The following EFNA3 variants were observed in gnomAD, a reference collection of about 807,000 sequenced individuals.
The protein encoded by EFNA3 is ephrin-A3.
A neutral mutation model predicts 25.0 loss-of-function variants in EFNA3; 15 were observed. That is an observed-to-expected ratio of 0.60 (90% CI 0.40 to 0.92). The LOEUF (loss-of-function observed/expected upper bound fraction) is 0.92, where lower values mean the gene tolerates loss of function less well. EFNA3 is among the 40% of genes least tolerant of loss of function. The pLI is 0.00. For synonymous variants in EFNA3, 153 were observed against 145.6 expected (o/e 1.05, Z -0.37); for missense variants, 298 against 323.8 (o/e 0.92, Z 0.61).
intron 1 of EFNA3, 112 bp from the exon 2 acceptor site, chr1:155,084,979 A>G: frequency 1.6e-6 from 2 of 1,250,906 alleles, no homozygotes; most frequent in East Asian, 4.7e-5. Context: ...GGAAGCTCGG[A>G]GGAAAAGTCG....
rs1287254539 is a variant in EFNA3, at chr1:155,085,127, G to T, written c.165G>T (p.Val55=). The change falls in exon 2 of 5, where the codon GTG becomes GTT. Residue 55 remains valine, a synonymous_variant. Transcript: ENST00000368408. The surrounding 1 kb of genome is among the most constrained non-coding windows in gnomAD (Gnocchi z 4.4). ...AGGGCTACACCGTGCAGGTGAACGT[G>T]AACGACTATCTGGATATTTACTGCC... is the stretch of plus-strand genomic sequence containing the variant. ...RREGYTVQVN[V]NDYLDIYCPH... is the part of the protein sequence containing the mutation. 3 of 1,613,760 alleles carry T rather than the reference G, an allele frequency of 1.9e-6. No homozygotes were observed. The highest frequency in any genetic ancestry group is 2.5e-6 in the Non-Finnish European group (3 of 1,180,014).
intron 1 of EFNA3, among the ~76,000 whole-genome samples, chr1:155,083,888 G>C (rs950145552): frequency 6.6e-6 from 1 of 152,176 alleles, no homozygotes; most frequent in African/African-American, 2.4e-5. Context: ...GCCAAGATAT[G>C]TGCATTCTTA....
chr1:155,085,040 C>G lies in EFNA3; in HGVS notation c.129-51C>G. ...GGCTGCGGAGCGGTCAGATGGAAAG[C>G]GGCTTTGCTCTGGGGTTTCTTCTCT... On this transcript the variant is annotated intron_variant, in intron 1 of 4. Transcript: ENST00000368408. This position sits in a 1 kb window ranked among gnomAD's most constrained non-coding sequence, Gnocchi z 4.4. The G allele has an allele frequency of 6.3e-7, 1 of 1,585,282 alleles. No individual in the cohort carries two copies. Among genetic ancestry groups the G allele is most frequent in the Non-Finnish European group, 8.6e-7 (1 of 1,164,352 alleles).
In EFNA3 at chr1:155,079,043, GGT is replaced by G; in HGVS notation, c.105_106del (p.Tyr36LeufsTer163). On this transcript the variant is annotated frameshift_variant, in exon 1 of 5. Transcript: ENST00000368408. LOFTEE classifies it high-confidence loss of function. This position sits in a 1 kb window ranked among gnomAD's most constrained non-coding sequence, Gnocchi z 7.7. ...PGGALGNRHA[V>X]YWNSSNQHLR... The stretch of plus-strand genomic sequence containing the variant: ...GAGGGGCGCTGGGAAACCGGCATGC[GGT>G]GTACTGGAACAGCTCCAACCAGCAG... 1 of 1,404,694 alleles carries G rather than the reference GGT, an allele frequency of 7.1e-7. No individual in the cohort carries two copies. Among genetic ancestry groups the G allele is most frequent in the South Asian group, 1.6e-5 (1 of 63,160 alleles). 87.0% of individuals were successfully genotyped at this position (1,404,694 alleles called of 1,614,324 possible).
chr1:155,078,873 G>C lies in EFNA3; in HGVS notation c.-69G>C. On this transcript the variant is annotated 5_prime_UTR_variant, in exon 1 of 5. Coordinates refer to ENST00000368408, the MANE Select transcript of EFNA3 (RefSeq NM_004952.5). ...GGGGGCCGACGGCGGCGGCAGCAGG[G>C]AGCTGGGAAGCGGAGAAGCCGGGAG... 1 of 1,326,056 alleles carries C rather than the reference G, an allele frequency of 7.5e-7. No homozygotes were observed. Among genetic ancestry groups the C allele is most frequent in the East Asian group, 3.2e-5 (1 of 30,988 alleles). 82.1% of individuals were successfully genotyped at this position (1,326,056 alleles called of 1,614,324 possible). A position where few individuals can be genotyped will look rare whatever the true frequency, so the allele number is the denominator to read the frequency against.
rs775934093 is a variant in EFNA3 at position 155,078,949 on chromosome 1, C to T, written c.8C>T (p.Ala3Val). The T allele has an allele frequency of 7.1e-7, 1 of 1,409,256 alleles. No individual in the cohort carries two copies. Among genetic ancestry groups the T allele is most frequent in the South Asian group, 1.6e-5 (1 of 63,416 alleles). The allele number at this position is 1,409,256 out of a possible 1,614,324, so 87.3% of individuals were successfully genotyped here. A position where few individuals can be genotyped will look rare whatever the true frequency, so the allele number is the denominator to read the frequency against. MA[A>V]APLLLLLLLV... The stretch of plus-strand genomic sequence containing the variant: ...GCGGCGGCGGCTCCGGGGATGGCGG[C>T]GGCTCCGCTGCTGCTGCTGCTGCTG... Residue 3 changes from alanine (A) to valine (V), a missense_variant, in exon 1 of 5, where the codon GCG becomes GTG. Transcript: ENST00000368408.
Position 155,078,865 on chromosome 1 carries a change from GCAGCAGGGAGC to G in EFNA3, c.-76_-66del. On this transcript the variant is annotated 5_prime_UTR_variant, in exon 1 of 5. Transcript: ENST00000368408. ...CTAAGGCTGGGGGCCGACGGCGGCG[GCAGCAGGGAGC>G]TGGGAAGCGGAGAAGCCGGGAGCGC... 7.7e-7 allele frequency: 1 copy of G among 1,305,374 alleles called. No homozygotes were observed. Among genetic ancestry groups the G allele is most frequent in the Non-Finnish European group, 9.7e-7 (1 of 1,027,970 alleles). The allele number at this position is 1,305,374 out of a possible 1,614,324, so 80.9% of individuals were successfully genotyped here.
At chr1:155,082,918 C>G (rs968314621) in intron 1 of EFNA3, among the ~76,000 whole-genome samples, 1 of 152,210 alleles carries the variant, frequency 6.6e-6, no homozygotes, top group Admixed American at 6.5e-5. Flanking sequence ...ATTCCTGGCT[C>G]TCACCCCGTT....
Position 155,085,783 on chromosome 1 carries a change from G to A in EFNA3, c.443-94G>A. 6.8e-7 allele frequency: 1 copy of A among 1,476,468 alleles called. No homozygotes were observed. The highest frequency in any genetic ancestry group is 9.3e-7 in the Non-Finnish European group (1 of 1,077,452). 91.5% of individuals were successfully genotyped at this position (1,476,468 alleles called of 1,614,324 possible). Reference sequence around the variant, plus strand: ...GAGCTCCTGAAGGAGACCGCCCGACGGGGACAGTTTGGAGGGGGTGAGAAA... The same window carrying A: ...GAGCTCCTGAAGGAGACCGCCCGACAGGGACAGTTTGGAGGGGGTGAGAAA... On this transcript the variant is annotated intron_variant, in intron 2 of 4. Transcript: ENST00000368408. This position sits in a 1 kb window ranked among gnomAD's most constrained non-coding sequence, Gnocchi z 4.4.
rs977267549 is a variant in EFNA3, at chr1:155,086,710, C to A, written c.*167C>A. On this transcript the variant is annotated 3_prime_UTR_variant, in exon 5 of 5. Coordinates refer to ENST00000368408, the MANE Select transcript of EFNA3 (RefSeq NM_004952.5). ...CCGCCCCCTCTACCCCTTCCCCCCA[C>A]GTAGGGCACTGTAGTGGACCAAGCA... The A allele has an allele frequency of 1.2e-5, 10 of 835,002 alleles. No homozygotes were observed. In the African/African-American group the frequency reaches 1.7e-4, roughly 14 times the overall value. 51.7% of individuals were successfully genotyped at this position (835,002 alleles called of 1,614,324 possible). A position where few individuals can be genotyped will look rare whatever the true frequency, so the allele number is the denominator to read the frequency against.
intron 1 of EFNA3, among the ~76,000 whole-genome samples, chr1:155,082,755 G>T (rs756284710): frequency 5.3e-5 from 8 of 151,424 alleles, no homozygotes; most frequent in African/African-American, 1.9e-4. Context: ...CAGGAGGCGC[G>T]GCCCTAGAGG....
rs1435155164 is a variant in EFNA3 at position 155,079,183 on chromosome 1, G to A, written c.128+114G>A. 7 of 1,166,472 alleles carry A rather than the reference G, an allele frequency of 6.0e-6. No individual in the cohort carries two copies. Among genetic ancestry groups the A allele is most frequent in the Non-Finnish European group, 7.7e-6 (7 of 909,754 alleles). The allele number at this position is 1,166,472 out of a possible 1,614,324, so 72.3% of individuals were successfully genotyped here. ...GGGAGTCCTGGGAGACCAGAGCTGG[G>A]GGCTGGGAGGGGACGGAGAGGGGGA... is the stretch of plus-strand genomic sequence containing the variant. On this transcript the variant is annotated intron_variant, in intron 1 of 4. Transcript: ENST00000368408. The surrounding 1 kb of genome is among the most constrained non-coding windows in gnomAD (Gnocchi z 7.7).
Position 155,087,010 on chromosome 1 carries a change from T to C in EFNA3, c.*467T>C, listed in dbSNP as rs1463911947. The C allele has an allele frequency of 6.5e-6, 1 of 154,532 alleles. No homozygotes were observed. Among genetic ancestry groups the C allele is most frequent in the Non-Finnish European group, 1.4e-5 (1 of 69,126 alleles). 9.6% of individuals were successfully genotyped at this position (154,532 alleles called of 1,614,324 possible). A position where few individuals can be genotyped will look rare whatever the true frequency, so the allele number is the denominator to read the frequency against. On this transcript the variant is annotated 3_prime_UTR_variant, in exon 5 of 5. Coordinates refer to ENST00000368408, the MANE Select transcript of EFNA3 (RefSeq NM_004952.5). ...AGCACTGCCTGCTGCTTCCTTCCCCTGTTTACAGCAATAAGCACGTCCTCC... is the reference window on the plus strand; with the variant it reads ...AGCACTGCCTGCTGCTTCCTTCCCCCGTTTACAGCAATAAGCACGTCCTCC...
chr1:155,082,532 G>A (rs2102452250), intron 1 of EFNA3, among the ~76,000 whole-genome samples: 1 of 152,312 alleles, frequency 6.6e-6, no homozygotes, highest in East Asian at 1.9e-4. Context: ...GCGAGAGAGA[G>A]GTGTCGGGAT....
Position 155,079,732 on chromosome 1 carries a change from G to C in EFNA3, c.128+663G>C, listed in dbSNP as rs1045378707. Reference sequence around the variant, plus strand: ...TGTCACACACGCACACACACGCCCGGGCTGGGGACGGCGAATGGCTCCAAG... The same window carrying C: ...TGTCACACACGCACACACACGCCCGCGCTGGGGACGGCGAATGGCTCCAAG... On this transcript the variant is annotated intron_variant, in intron 1 of 4. Coordinates refer to ENST00000368408, the MANE Select transcript of EFNA3 (RefSeq NM_004952.5). This position sits in a 1 kb window ranked among gnomAD's most constrained non-coding sequence, Gnocchi z 7.7. 6.6e-6 allele frequency among the ~76,000 whole-genome samples: 1 copy of C among 152,180 alleles called. No homozygotes were observed.
Position 155,085,518 on chromosome 1 carries a change from G to T in EFNA3, c.442+114G>T. 1 of 1,307,558 alleles carries T rather than the reference G, an allele frequency of 7.6e-7. No homozygotes were observed. The highest frequency in any genetic ancestry group is 1.0e-6 in the Non-Finnish European group (1 of 976,062). The allele number at this position is 1,307,558 out of a possible 1,614,324, so 81.0% of individuals were successfully genotyped here. A position where few individuals can be genotyped will look rare whatever the true frequency, so the allele number is the denominator to read the frequency against. ...CGGCGCGGCGGGCGCCAGGTCTCGC[G>T]GCTGAGACCAGGGAGGAGGCGTGGG... On this transcript the variant is annotated intron_variant, in intron 2 of 4. Transcript: ENST00000368408. The surrounding 1 kb of genome is among the most constrained non-coding windows in gnomAD (Gnocchi z 4.4).
In EFNA3 at chr1:155,085,100, A is replaced by T. The variant is rs1383979972; in HGVS notation, c.138A>T (p.Arg46=). 6.2e-7 allele frequency: 1 copy of T among 1,613,450 alleles called. No individual in the cohort carries two copies. Residue 46 remains arginine, a synonymous_variant, in exon 2 of 5, where the codon CGA becomes CGT. Transcript: ENST00000368408. The surrounding 1 kb of genome is among the most constrained non-coding windows in gnomAD (Gnocchi z 4.4). ...YWNSSNQHLR[R]EGYTVQVNVN... ...TTCCTCTTCCCCACAGCCTGCGGCG[A>T]GAGGGCTACACCGTGCAGGTGAACG...
intron 1 of EFNA3, among the ~76,000 whole-genome samples, chr1:155,084,482 T>G (rs1437812662): frequency 6.6e-6 from 1 of 152,240 alleles, no homozygotes; most frequent in Non-Finnish European, 1.5e-5. Context: ...GACATATTTG[T>G]GCGTGTGCCA....
At chr1:155,086,339 A>G (rs577154081) in intron 4 of EFNA3, 74 bp from the exon 5 acceptor site, 25 of 1,468,414 alleles carry the variant, frequency 1.7e-5, no homozygotes, top group Admixed American at 1.4e-4. Context: ...CCCTGGCTCC[A>G]TTGCTGCTGC....
Sources: gnomAD v4.1 joint callset for allele counts (sites outside exome capture counted in the v4.1 genomes callset) on GRCh38, gnomAD v4.1.1 for gene constraint, Gnocchi (gnomAD v3.1) non-coding constraint, MANE v1.5 for transcripts, NCBI Gene and HGNC (gene_info 2026-07-23, HGNC 2026-07-21) for gene names.